Variants in DAB1 observed in about 807,000 individuals in gnomAD.
DAB1 encodes DAB adaptor protein 1, also known as disabled homolog 1.
Under a neutral mutation model 64.6 loss-of-function variants are expected in DAB1, and 15 were observed. The observed-to-expected ratio is 0.23, with a 90% CI of 0.16 to 0.36. The LOEUF is 0.36. Among genes scored for constraint, DAB1 ranks in the 10% least tolerant of loss-of-function variants. DAB1 has a pLI of 1.00. For missense variants in DAB1, 596 were observed against 706.7 expected (o/e 0.84, Z 1.78); for synonymous variants, 235 against 251.9 (o/e 0.93, Z 0.64).
chr1:57,695,397 A>AAAG (rs1557427961), intron 6 of DAB1, among the ~76,000 whole-genome samples: 2 of 86,596 alleles, frequency 2.3e-5, no homozygotes, highest in East Asian at 5.7e-4. Flanking sequence ...AGAAAGAAAG[A>AAAG]AAGAAAGAAA....
At chr1:57,946,146 C>T (rs1352120094) in intron 5 of DAB1, among the ~76,000 whole-genome samples, 1 of 152,202 alleles carries the variant, frequency 6.6e-6, no homozygotes, top group Non-Finnish European at 1.5e-5. Flanking sequence ...AAACCAGCCT[C>T]CACTGTTTTC....
chr1:58,125,775 A>G (rs1653031642), intron 5 of DAB1, among the ~76,000 whole-genome samples: 1 of 152,154 alleles, frequency 6.6e-6, no homozygotes. Context: ...GGGACATTTA[A>G]ATGCATTCTC....
chr1:57,017,846 G>T (rs936819737), intron 11 of DAB1, among the ~76,000 whole-genome samples: 1 of 152,010 alleles, frequency 6.6e-6, no homozygotes, highest in African/African-American at 2.4e-5. Context: ...TGAAGAATCC[G>T]GCAACTCTGT....
chr1:57,520,510 A>G (rs538816217), intron 7 of DAB1, among the ~76,000 whole-genome samples: 1 of 152,250 alleles, frequency 6.6e-6, no homozygotes, highest in African/African-American at 2.4e-5. Flanking sequence ...ACAATATTAG[A>G]AAAAAATCAG....
chr1:57,862,386 C>A (rs896753364), intron 1 of DAB1: 1 of 152,078 alleles, frequency 6.6e-6, no homozygotes, highest in Non-Finnish European at 1.5e-5. Flanking sequence ...AAAGTTAGAG[C>A]TTTTCTCATC....
chr1:57,928,146 A>G, intron 5 of DAB1, among the ~76,000 whole-genome samples: 1 of 152,234 alleles, frequency 6.6e-6, no homozygotes, highest in Admixed American at 6.5e-5. Flanking sequence ...TTACAAAGAC[A>G]TATACATACA....
chr1:57,114,103 AT>A (rs1277019270), intron 4 of DAB1, among the ~76,000 whole-genome samples: 1 of 152,062 alleles, frequency 6.6e-6, no homozygotes, highest in Non-Finnish European at 1.5e-5. Context: ...CAAAATATGA[AT>A]GTAGAACTGG....
At chr1:58,463,264 A>C (rs1645261704) in intron 3 of DAB1, among the ~76,000 whole-genome samples, 1 of 152,084 alleles carries the variant, frequency 6.6e-6, no homozygotes. Flanking sequence ...TCCTGGTGAG[A>C]GGAGTAGCTG....
At chr1:58,406,452 A>G (rs1331645305) in intron 3 of DAB1, among the ~76,000 whole-genome samples, 1 of 152,256 alleles carries the variant, frequency 6.6e-6, no homozygotes, top group African/African-American at 2.4e-5. Flanking sequence ...TAACGAGGAC[A>G]TGATCCAGCC....
At chr1:57,637,893 A>G (rs1646076345) in intron 7 of DAB1, among the ~76,000 whole-genome samples, 1 of 152,214 alleles carries the variant, frequency 6.6e-6, no homozygotes, top group Non-Finnish European at 1.5e-5. Context: ...AAATGACTAA[A>G]TGAATTATAG....
At chr1:57,443,421 A>G (rs1430773322) in intron 7 of DAB1, among the ~76,000 whole-genome samples, 1 of 152,202 alleles carries the variant, frequency 6.6e-6, no homozygotes, top group East Asian at 1.9e-4. Context: ...CTCCCTGAAC[A>G]TACCATGCAC....
At chr1:57,993,468 A>C (rs185756976) in intron 5 of DAB1, among the ~76,000 whole-genome samples, 12 of 152,160 alleles carry the variant, frequency 7.9e-5, no homozygotes, top group Non-Finnish European at 5.9e-5. Context: ...GGTGTTATTC[A>C]TTTCTGTAGC....
At chr1:58,296,891 T>A (rs1009488251) in intron 4 of DAB1, among the ~76,000 whole-genome samples, 1 of 152,220 alleles carries the variant, frequency 6.6e-6, no homozygotes, top group Non-Finnish European at 1.5e-5. Context: ...AATTAGCACC[T>A]ACTTCATAGG....
chr1:58,474,377 T>G (rs1645398295), intron 3 of DAB1, among the ~76,000 whole-genome samples: 1 of 152,070 alleles, frequency 6.6e-6, no homozygotes, highest in Non-Finnish European at 1.5e-5. Context: ...AATTGCCTTT[T>G]AAAATTTGCC....
intron 4 of DAB1, among the ~76,000 whole-genome samples, chr1:58,223,465 C>T (rs1219520340): frequency 6.6e-6 from 1 of 152,198 alleles, no homozygotes; most frequent in East Asian, 1.9e-4. Flanking sequence ...CCAGTCTCTG[C>T]TTAAAGAAGG....
intron 6 of DAB1, among the ~76,000 whole-genome samples, chr1:57,759,027 T>C (rs952994122): frequency 6.6e-6 from 1 of 152,234 alleles, no homozygotes; most frequent in Non-Finnish European, 1.5e-5. Flanking sequence ...AGTTGATTCC[T>C]AATCATTGTT....
chr1:58,216,620 G>A lies in DAB1; in HGVS notation n.310-66032C>T, dbSNP rs546007466. 6.6e-5 allele frequency among the ~76,000 whole-genome samples: 10 copies of A among 152,224 alleles called. No homozygotes were observed. In the South Asian group the frequency reaches 8.3e-4, roughly 13 times the overall value. On this transcript the variant is annotated intron_variant and non_coding_transcript_variant, in intron 4 of 20. Transcript: ENST00000485760. ...GAATCGCCACACCGTCTTCCACAAC[G>A]GTTGAACTAACTTACACTCCCACCA...
At chr1:57,590,748 A>ACACACAC (rs1553197850) in intron 7 of DAB1, among the ~76,000 whole-genome samples, 1 of 146,788 alleles carries the variant, frequency 6.8e-6, no homozygotes, top group East Asian at 2.0e-4. Context: ...ACACACACAC[A>ACACACAC]CACACACACA....
At chr1:58,265,158 A>G (rs1383286871) in intron 4 of DAB1, among the ~76,000 whole-genome samples, 3 of 152,216 alleles carry the variant, frequency 2.0e-5, no homozygotes, top group South Asian at 2.1e-4. Flanking sequence ...ATAATCTTCA[A>G]AAGAATCCTT....
Sources: gnomAD v4.1 joint callset for allele counts (sites outside exome capture counted in the v4.1 genomes callset) on GRCh38, gnomAD v4.1.1 for gene constraint, MANE v1.5 for transcripts, NCBI Gene and HGNC (gene_info 2026-07-23, HGNC 2026-07-21) for gene names.